The following CDC42SE2 variants were observed in gnomAD, a reference collection of about 807,000 sequenced individuals.
The protein encoded by CDC42SE2 is CDC42 small effector 2, also known as CDC42 small effector protein 2.
A neutral mutation model predicts 11.5 loss-of-function variants in CDC42SE2; 3 were observed. The ratio of observed to expected loss-of-function variants is 0.26; its 90% CI spans 0.12 to 0.67. CDC42SE2 has a LOEUF of 0.67. Among genes scored for constraint, CDC42SE2 ranks in the 30% least tolerant of loss-of-function variants. The pLI, the probability that CDC42SE2 is intolerant of heterozygous loss-of-function variation, is 0.80. For synonymous variants in CDC42SE2, 33 were observed against 34.8 expected, an observed-to-expected ratio of 0.95 and a Z score of 0.18; for missense variants, 82 against 106.8, an observed-to-expected ratio of 0.77 and a Z score of 1.02.
rs549501957 is a variant in CDC42SE2, at chr5:131,267,967, A to G, written c.-455+3801A>G. On this transcript the variant is annotated intron_variant, in intron 1 of 4. Transcript: ENST00000505065. The stretch of plus-strand genomic sequence containing the variant: ...ATTTTATTGAATATTTAATGTTAGT[A>G]ATGTTTTAGTCAGTCTCAGGGGGAC... Among the ~76,000 whole-genome samples, 9 of 151,268 alleles carry G rather than the reference A, an allele frequency of 5.9e-5. No individual in the cohort carries two copies. In the East Asian group the frequency reaches 1.8e-3, roughly 29 times the overall value.
At chr5:131,364,433 G>A (rs1749797748) in intron 3 of CDC42SE2, among the ~76,000 whole-genome samples, 1 of 152,290 alleles carries the variant, frequency 6.6e-6, no homozygotes. Flanking sequence ...TGGGGCCAGT[G>A]GTGGGAATGA....
chr5:131,271,142 G>A (rs1001841278), intron 1 of CDC42SE2, among the ~76,000 whole-genome samples: 3 of 152,140 alleles, frequency 2.0e-5, no homozygotes, highest in African/African-American at 7.2e-5. Context: ...TAGCCTTCCA[G>A]TTTCCTTTAT....
intron 2 of CDC42SE2, among the ~76,000 whole-genome samples, chr5:131,352,349 TC>T (rs1384307255): frequency 1.2e-4 from 19 of 152,168 alleles, no homozygotes; most frequent in South Asian, 4.1e-4. Context: ...ATAATGGAAA[TC>T]TACTTAGCAA....
chr5:131,303,319 G>C (rs1188550964), intron 1 of CDC42SE2, among the ~76,000 whole-genome samples: 1 of 152,150 alleles, frequency 6.6e-6, no homozygotes, highest in African/African-American at 2.4e-5. Context: ...GACATTAAAT[G>C]ATCATGCATA....
rs535450556 is a variant in CDC42SE2, at chr5:131,359,250, A to C, written c.-244A>C. The C allele has an allele frequency of 1.9e-6, 1 of 530,248 alleles. No individual in the cohort carries two copies. Among genetic ancestry groups the C allele is most frequent in the East Asian group, 3.2e-5 (1 of 31,478 alleles). The allele number at this position is 530,248 out of a possible 1,614,324, so 32.8% of individuals were successfully genotyped here. ...CCTGGGTCAAGACAACAATTTTTAT[A>C]CCTTCGTCGTGGTTCAGAAAGGAGT... On this transcript the variant is annotated 5_prime_UTR_variant, in exon 3 of 5. Transcript: ENST00000505065.
intron 3 of CDC42SE2, among the ~76,000 whole-genome samples, chr5:131,374,253 G>A (rs1271059009): frequency 6.6e-6 from 1 of 152,132 alleles, no homozygotes; most frequent in African/African-American, 2.4e-5. Context: ...CTTATGGAGG[G>A]TATTAGAACA....
chr5:131,377,836 C>G (rs1312421989), intron 3 of CDC42SE2, among the ~76,000 whole-genome samples: 2 of 152,194 alleles, frequency 1.3e-5, no homozygotes, highest in African/African-American at 2.4e-5. Flanking sequence ...TTAGAATTGG[C>G]ATTACATTGT....
chr5:131,327,752 AT>A (rs1187709246), intron 2 of CDC42SE2, among the ~76,000 whole-genome samples: 1 of 152,134 alleles, frequency 6.6e-6, no homozygotes, highest in Non-Finnish European at 1.5e-5. Flanking sequence ...ATGTTTATAG[AT>A]TTTGCTTCAA....
chr5:131,242,770 A>G (rs1756550010), upstream of CDC42SE2, among the ~76,000 whole-genome samples: 1 of 152,002 alleles, frequency 6.6e-6, no homozygotes, highest in South Asian at 2.1e-4. Flanking sequence ...GCTGGCCAAC[A>G]CTCCAAGATT....
At chr5:131,310,591 T>C (rs1757883536) in intron 1 of CDC42SE2, among the ~76,000 whole-genome samples, 1 of 151,532 alleles carries the variant, frequency 6.6e-6, no homozygotes, top group Non-Finnish European at 1.5e-5. Context: ...TAAGTCTCTT[T>C]GTAGGTCACT....
chr5:131,218,785 A>T, the CDC42SE2 span, among the ~76,000 whole-genome samples: 3 of 152,086 alleles, frequency 2.0e-5, no homozygotes, highest in East Asian at 5.8e-4. Flanking sequence ...CAGGAGGGGG[A>T]TCCCCTTCTG....
At chr5:131,258,415 G>C (rs1003769900) in intron 2 of CDC42SE2, among the ~76,000 whole-genome samples, 17 of 152,054 alleles carry the variant, frequency 1.1e-4, no homozygotes, top group African/African-American at 4.1e-4. Flanking sequence ...AAAGAAAAAG[G>C]AGTTCTTGGT....
At chr5:131,212,774 T>G in the CDC42SE2 span, among the ~76,000 whole-genome samples, 1 of 152,072 alleles carries the variant, frequency 6.6e-6, no homozygotes, top group Admixed American at 6.6e-5. Context: ...AACAAAAGAT[T>G]AGTGGGGTCA....
chr5:131,249,246 G>A (rs1175439953), intron 1 of CDC42SE2, among the ~76,000 whole-genome samples: 4 of 151,542 alleles, frequency 2.6e-5, no homozygotes, highest in Non-Finnish European at 3.0e-5. Flanking sequence ...ACAAACTCCT[G>A]ACCTCAGGCA....
At chr5:131,330,727 G>A (rs1424273270) in intron 2 of CDC42SE2, among the ~76,000 whole-genome samples, 1 of 151,966 alleles carries the variant, frequency 6.6e-6, no homozygotes, top group African/African-American at 2.4e-5. Flanking sequence ...TACTATCTGG[G>A]CTGGGTGCAG....
At chr5:131,228,005 C>G in the CDC42SE2 span, among the ~76,000 whole-genome samples, 1 of 152,180 alleles carries the variant, frequency 6.6e-6, no homozygotes, top group Non-Finnish European at 1.5e-5. Context: ...GTGGCCCTGT[C>G]CATGGTTAGT....
the CDC42SE2 span, among the ~76,000 whole-genome samples, chr5:131,219,002 T>C: frequency 6.6e-6 from 1 of 152,230 alleles, no homozygotes; most frequent in South Asian, 2.1e-4. Context: ...AAAAGACAGA[T>C]AATGATTACG....
intron 1 of CDC42SE2, among the ~76,000 whole-genome samples, chr5:131,287,763 C>T (rs1757371654): frequency 6.6e-6 from 1 of 152,112 alleles, no homozygotes; most frequent in Non-Finnish European, 1.5e-5. Context: ...TGTGAAGCAC[C>T]ATATCCTACC....
the CDC42SE2 span, among the ~76,000 whole-genome samples, chr5:131,221,152 C>T: frequency 6.6e-6 from 1 of 152,140 alleles, no homozygotes; most frequent in Non-Finnish European, 1.5e-5. Context: ...TCCCAGAGTG[C>T]TAAGATTACA....
Sources: gnomAD v4.1 joint callset for allele counts (sites outside exome capture counted in the v4.1 genomes callset) on GRCh38, gnomAD v4.1.1 for gene constraint, MANE v1.5 for transcripts, NCBI Gene and HGNC (gene_info 2026-07-23, HGNC 2026-07-21) for gene names.